Variants in MICAL2 observed in about 807,000 individuals in gnomAD.
MICAL2 encodes the protein microtubule associated monooxygenase, calponin and LIM domain containing 2, also known as [F-actin]-monooxygenase MICAL2.
A neutral mutation model predicts 127.3 loss-of-function variants in MICAL2; 77 were observed. That is an observed-to-expected ratio of 0.60 (90% CI 0.50 to 0.73). The LOEUF is 0.73. MICAL2 is among the 30% of genes least tolerant of loss of function. The pLI, the probability that MICAL2 is intolerant of heterozygous loss-of-function variation, is 0.00. For missense variants in MICAL2, 1,351 were observed against 1,434.4 expected (o/e 0.94, Z 0.94); for synonymous variants, 570 against 551.1 (o/e 1.03, Z -0.48).
chr11:12,189,877 T>C (rs1858856023), intron 3 of MICAL2, among the ~76,000 whole-genome samples: 1 of 152,212 alleles, frequency 6.6e-6, no homozygotes, highest in South Asian at 2.1e-4. Context: ...TCCAGAAATT[T>C]GCCCTTAAAG....
intron 15 of MICAL2, among the ~76,000 whole-genome samples, chr11:12,229,086 T>C (rs1315283467): frequency 6.6e-6 from 1 of 152,136 alleles, no homozygotes; most frequent in East Asian, 1.9e-4. Flanking sequence ...AAGGCAGCCA[T>C]ACCTAGCAGG....
intron 29 of MICAL2, among the ~76,000 whole-genome samples, chr11:12,315,289 T>C (rs964269756): frequency 6.6e-6 from 1 of 152,210 alleles, no homozygotes; most frequent in Non-Finnish European, 1.5e-5. Context: ...ATTTTAAACC[T>C]TTCTTCTGTT....
At chr11:12,114,704 G>A (rs1023732262) in intron 1 of MICAL2, among the ~76,000 whole-genome samples, 1 of 152,208 alleles carries the variant, frequency 6.6e-6, no homozygotes, top group Non-Finnish European at 1.5e-5. Context: ...GGATTTGTGT[G>A]ACTACCAGTG....
intron 3 of MICAL2, among the ~76,000 whole-genome samples, chr11:12,190,439 G>A (rs200645305): frequency 2.0e-5 from 3 of 152,202 alleles, no homozygotes; most frequent in Non-Finnish European, 4.4e-5. Context: ...CCTCTAACTG[G>A]CTTTGTGACA....
chr11:12,324,942 C>T (rs967329770), intron 31 of MICAL2, among the ~76,000 whole-genome samples: 10 of 152,136 alleles, frequency 6.6e-5, no homozygotes, highest in African/African-American at 2.4e-4. Context: ...AAGAACAAGA[C>T]AAGTCTTATG....
chr11:12,238,934 G>C (rs1445965459), intron 16 of MICAL2, among the ~76,000 whole-genome samples: 2 of 152,108 alleles, frequency 1.3e-5, no homozygotes, highest in Non-Finnish European at 2.9e-5. Flanking sequence ...AGGTACAGAG[G>C]AGAAAGGAGA....
At chr11:12,352,936 C>A (rs1565313634) in intron 33 of MICAL2, among the ~76,000 whole-genome samples, 1 of 152,218 alleles carries the variant, frequency 6.6e-6, no homozygotes, top group Non-Finnish European at 1.5e-5. Flanking sequence ...GCAACTGCAG[C>A]ACCTCCTCTC....
chr11:12,327,071 A>G, intron 31 of MICAL2: 2 of 986,828 alleles, frequency 2.0e-6, no homozygotes, highest in Non-Finnish European at 3.2e-6. Context: ...GACCATCACA[A>G]GTGAAAGGGC....
chr11:12,216,100 G>C, intron 7 of MICAL2, 119 bp from the exon 8 acceptor site: 1 of 734,480 alleles, frequency 1.4e-6, no homozygotes, highest in Non-Finnish European at 2.3e-6. Flanking sequence ...TTAAAAACTG[G>C]TCTAACATGA....
At chr11:12,257,086 G>C (rs1862434466) in intron 24 of MICAL2, 115 bp downstream of exon 24, 1 of 1,140,890 alleles carries the variant, frequency 8.8e-7, no homozygotes, top group Admixed American at 2.8e-5. Context: ...CCAAAAGGAA[G>C]TATGATGTCA....
chr11:12,198,605 C>A (rs1860250563), intron 3 of MICAL2, among the ~76,000 whole-genome samples: 1 of 152,238 alleles, frequency 6.6e-6, no homozygotes, highest in Non-Finnish European at 1.5e-5. Context: ...CAGAGCCACA[C>A]CAGGAAGTAT....
At chr11:12,224,529 C>G in intron 12 of MICAL2, 144 bp from the exon 13 acceptor site, 1 of 1,022,684 alleles carries the variant, frequency 9.8e-7, no homozygotes, top group African/African-American at 1.6e-5. Context: ...GAGCTGCACC[C>G]GTGCCAGTGG....
At chr11:12,189,249 C>G (rs548718687) in intron 3 of MICAL2, among the ~76,000 whole-genome samples, 1 of 152,320 alleles carries the variant, frequency 6.6e-6, no homozygotes, top group East Asian at 1.9e-4. Flanking sequence ...TACTCTTTCC[C>G]AGTCCCCACT....
At chr11:12,214,479 C>T (rs1855900374) in intron 7 of MICAL2, among the ~76,000 whole-genome samples, 1 of 152,170 alleles carries the variant, frequency 6.6e-6, no homozygotes, top group Non-Finnish European at 1.5e-5. Flanking sequence ...AAACATCATC[C>T]TTCTGGTGGT....
Position 12,354,313 on chromosome 11 carries a change from C to T in MICAL2, c.5616-471C>T, listed in dbSNP as rs191750719. The stretch of plus-strand genomic sequence containing the variant: ...CCAACAGGGTGAAACCCTGTCTCTA[C>T]TAAAAAGACAAAAATTAGCCCAGTG... On this transcript the variant is annotated intron_variant, in intron 33 of 34. Transcript: ENST00000646065. Among the ~76,000 whole-genome samples the T allele has an allele frequency of 2.0e-3, 302 of 152,312 alleles. 2 individuals are homozygous for T. Among genetic ancestry groups the T allele is most frequent in the African/African-American group, 7.1e-3 (295 of 41,564 alleles).
chr11:12,264,525 G>A (rs1863527574), downstream of MICAL2, among the ~76,000 whole-genome samples: 6 of 152,240 alleles, frequency 3.9e-5, no homozygotes, highest in South Asian at 1.2e-3. Flanking sequence ...CCTCCCCTGG[G>A]TGGGATGCCT....
chr11:12,227,191 C>G lies in MICAL2; in HGVS notation c.1995+60C>G, dbSNP rs1261026928. 3.3e-6 allele frequency: 4 copies of G among 1,208,272 alleles called. No individual in the cohort carries two copies. In the African/African-American group the frequency reaches 6.1e-5, roughly 18 times the overall value. 74.8% of individuals were successfully genotyped at this position (1,208,272 alleles called of 1,614,324 possible). ...TTGCACATGGACGGGGTATGAGGAA[C>G]GGAGATTGTCACATTCTCAGCCTGT... On this transcript the variant is annotated intron_variant, in intron 15 of 27. Coordinates refer to ENST00000683283, the MANE Select transcript of MICAL2 (RefSeq NM_001282663.2).
intron 3 of MICAL2, among the ~76,000 whole-genome samples, chr11:12,172,388 G>A (rs1856375246): frequency 6.6e-6 from 1 of 152,224 alleles, no homozygotes; most frequent in African/African-American, 2.4e-5. Context: ...TTCATCAGCA[G>A]TCAACACCTG....
At chr11:12,235,273 A>C (rs1258917423) in intron 15 of MICAL2, among the ~76,000 whole-genome samples, 1 of 152,194 alleles carries the variant, frequency 6.6e-6, no homozygotes, top group Non-Finnish European at 1.5e-5. Flanking sequence ...TTCCCTGAGG[A>C]GACAAGCCTG....
Sources: gnomAD v4.1 joint callset for allele counts (sites outside exome capture counted in the v4.1 genomes callset) on GRCh38, gnomAD v4.1.1 for gene constraint, MANE v1.5 for transcripts, NCBI Gene and HGNC (gene_info 2026-07-23, HGNC 2026-07-21) for gene names.